Variants in NKAIN3 observed in about 807,000 individuals in gnomAD.
NKAIN3 encodes sodium/potassium-transporting ATPase subunit beta-1-interacting protein 3.
NKAIN3 carries 25 observed loss-of-function variants against 30.2 expected under a neutral mutation model. The ratio of observed to expected loss-of-function variants is 0.83; its 90% CI spans 0.60 to 1.16. NKAIN3 has a LOEUF of 1.16. NKAIN3 is among the 50% of genes most tolerant of loss of function. The pLI is 0.00. For missense variants in NKAIN3, 225 were observed against 254.1 expected, an observed-to-expected ratio of 0.89 and a Z score of 0.78; for synonymous variants, 91 against 89.6, an observed-to-expected ratio of 1.02 and a Z score of -0.09.
chr8:62,479,729 C>T (rs764192022), intron 1 of NKAIN3, among the ~76,000 whole-genome samples: 5 of 152,056 alleles, frequency 3.3e-5, no homozygotes, highest in East Asian at 3.9e-4. Flanking sequence ...CTGAGGATCA[C>T]GGCTGTTAGG....
intron 4 of NKAIN3, among the ~76,000 whole-genome samples, chr8:62,819,802 A>G (rs1286820353): frequency 9.2e-5 from 14 of 152,130 alleles, no homozygotes; most frequent in Admixed American, 8.5e-4. Context: ...GAATAAGCTG[A>G]TAAGATTTTA....
intron 3 of NKAIN3, among the ~76,000 whole-genome samples, chr8:62,728,265 A>G (rs1815321878): frequency 6.6e-6 from 1 of 152,198 alleles, no homozygotes; most frequent in East Asian, 1.9e-4. Context: ...TAGATATAAC[A>G]TCAAAAGCAC....
chr8:62,840,355 A>G (rs1483228037), intron 4 of NKAIN3, among the ~76,000 whole-genome samples: 3 of 152,006 alleles, frequency 2.0e-5, no homozygotes, highest in Non-Finnish European at 4.4e-5. Context: ...CTTTCTAAAA[A>G]AAAAAAAATT....
intron 1 of NKAIN3, among the ~76,000 whole-genome samples, chr8:62,335,432 C>CAAAAAAAAA (rs5891845): frequency 1.2e-5 from 1 of 82,210 alleles, no homozygotes; most frequent in Non-Finnish European, 2.5e-5. Flanking sequence ...GACTCTGTCT[C>CAAAAAAAAA]AAAAAAAAAA....
intron 6 of NKAIN3, among the ~76,000 whole-genome samples, chr8:62,964,767 A>G (rs1244524613): frequency 6.6e-6 from 1 of 151,988 alleles, no homozygotes; most frequent in Non-Finnish European, 1.5e-5. Flanking sequence ...GCTTTACTCA[A>G]AGTCTACTGA....
At chr8:62,710,423 T>C (rs1287844926) in intron 3 of NKAIN3, among the ~76,000 whole-genome samples, 2 of 152,198 alleles carry the variant, frequency 1.3e-5, no homozygotes, top group Non-Finnish European at 2.9e-5. Context: ...CATATATGTT[T>C]AGGGTTTTGA....
Position 62,971,825 on chromosome 8 carries a change from C to T in NKAIN3, c.*6418C>T, listed in dbSNP as rs1276755776. ...TCTTCAGTACTGTGAGAGATTTAAT[C>T]ATCAAGTATGTGAAATGAGAATTTC... On this transcript the variant is annotated 3_prime_UTR_variant, in exon 7 of 7. Coordinates refer to ENST00000623646, the MANE Select transcript of NKAIN3 (RefSeq NM_001304533.3). 4.6e-5 allele frequency among the ~76,000 whole-genome samples: 7 copies of T among 152,138 alleles called. No homozygotes were observed. The highest frequency in any genetic ancestry group is 2.1e-4 in the South Asian group (1 of 4,826).
At chr8:62,797,374 A>T (rs1161049285) in intron 4 of NKAIN3, among the ~76,000 whole-genome samples, 2 of 152,348 alleles carry the variant, frequency 1.3e-5, no homozygotes, top group East Asian at 1.9e-4. Context: ...ATGTGTACAC[A>T]TGTAAGTTAA....
chr8:62,958,508 T>C (rs1309080130), intron 6 of NKAIN3, among the ~76,000 whole-genome samples: 3 of 152,010 alleles, frequency 2.0e-5, no homozygotes, highest in Non-Finnish European at 4.4e-5. Flanking sequence ...TAAAGACTGC[T>C]CTTATCATCA....
chr8:62,586,785 G>A (rs1374035722), intron 2 of NKAIN3, among the ~76,000 whole-genome samples: 1 of 151,956 alleles, frequency 6.6e-6, no homozygotes, highest in Non-Finnish European at 1.5e-5. Context: ...AAGCCACATA[G>A]AATGCATAAA....
intron 4 of NKAIN3, among the ~76,000 whole-genome samples, chr8:62,889,142 G>A (rs1425106631): frequency 6.6e-6 from 1 of 152,152 alleles, no homozygotes. Flanking sequence ...TCTGAGGCGG[G>A]TGGATTACCT....
At chr8:62,332,507 T>C (rs1325677750) in intron 1 of NKAIN3, among the ~76,000 whole-genome samples, 1 of 152,048 alleles carries the variant, frequency 6.6e-6, no homozygotes, top group Non-Finnish European at 1.5e-5. Context: ...ATGATGAAAA[T>C]TTCTGTATGC....
chr8:62,956,998 T>C (rs914688975), intron 6 of NKAIN3, among the ~76,000 whole-genome samples: 28 of 152,246 alleles, frequency 1.8e-4, no homozygotes, highest in African/African-American at 6.8e-4. Context: ...TATAACTATA[T>C]TGGAAGATAC....
Position 62,969,368 on chromosome 8 carries a change from A to G in NKAIN3, c.*3961A>G, listed in dbSNP as rs1823782389. On this transcript the variant is annotated 3_prime_UTR_variant, in exon 7 of 7. Coordinates refer to ENST00000623646, the MANE Select transcript of NKAIN3 (RefSeq NM_001304533.3). ...CATTGCAAATCTGAAGAAAACAATC[A>G]TGACTCTGCTAATTTGAGAAGCAAA... Among the ~76,000 whole-genome samples the G allele has an allele frequency of 6.6e-6, 1 of 152,216 alleles. No individual in the cohort carries two copies. The highest frequency in any genetic ancestry group is 1.5e-5 in the Non-Finnish European group (1 of 68,030).
chr8:62,406,105 A>C (rs1804057979), intron 1 of NKAIN3, among the ~76,000 whole-genome samples: 1 of 152,210 alleles, frequency 6.6e-6, no homozygotes, highest in African/African-American at 2.4e-5. Flanking sequence ...GTATTGTTCC[A>C]AAGTTTTTCC....
chr8:62,610,432 A>T (rs546556692), intron 3 of NKAIN3, among the ~76,000 whole-genome samples: 10 of 152,182 alleles, frequency 6.6e-5, no homozygotes, highest in African/African-American at 2.4e-4. Context: ...TCAAATATCC[A>T]ATTTCAAAGC....
At chr8:62,747,193 C>A in intron 4 of NKAIN3, 64 bp downstream of exon 4, 3 of 1,048,782 alleles carry the variant, frequency 2.9e-6, no homozygotes, top group Admixed American at 1.9e-5. Flanking sequence ...TTTTTCTCCA[C>A]ATCTACCTGA....
chr8:62,951,887 A>G (rs576349373), intron 5 of NKAIN3, among the ~76,000 whole-genome samples: 165 of 152,206 alleles, frequency 1.1e-3, no homozygotes, highest in Middle Eastern at 6.8e-3. Context: ...TGCAACCTCC[A>G]TCTCCCAGGT....
chr8:62,884,992 C>T (rs1033415351), intron 4 of NKAIN3, among the ~76,000 whole-genome samples: 21 of 151,806 alleles, frequency 1.4e-4, no homozygotes, highest in African/African-American at 4.8e-4. Flanking sequence ...TTGATTTTTG[C>T]TCTAATTTTT....
Sources: gnomAD v4.1 joint callset for allele counts (sites outside exome capture counted in the v4.1 genomes callset) on GRCh38, gnomAD v4.1.1 for gene constraint, MANE v1.5 for transcripts, NCBI Gene and HGNC (gene_info 2026-07-23, HGNC 2026-07-21) for gene names.